Variants in DTD1 observed in about 807,000 individuals in gnomAD.
DTD1 encodes the protein D-tyrosyl-tRNA deacylase 1 homolog.
Under a neutral mutation model 25.6 loss-of-function variants are expected in DTD1, and 13 were observed. The ratio of observed to expected loss-of-function variants is 0.51; its 90% CI spans 0.33 to 0.81. The LOEUF is 0.81. Among genes scored for constraint, DTD1 ranks in the 30% least tolerant of loss-of-function variants. DTD1 has a pLI of 0.02. For synonymous variants in DTD1, 110 were observed against 103.6 expected (o/e 1.06, Z -0.37); for missense variants, 193 against 266.4 (o/e 0.72, Z 1.92).
chr20:18,599,387 C>T (rs983366525), intron 3 of DTD1, among the ~76,000 whole-genome samples: 3 of 151,976 alleles, frequency 2.0e-5, no homozygotes, highest in Non-Finnish European at 4.4e-5. Flanking sequence ...GTTGGCCAGG[C>T]TGGTCTCAAA....
At chr20:18,631,768 A>G (rs540134666) in intron 4 of DTD1, 528 of 985,128 alleles carry the variant, frequency 5.4e-4, no homozygotes, top group Non-Finnish European at 6.1e-4. Flanking sequence ...TCATTATTCC[A>G]TAGTTTTTAG....
At chr20:18,621,085 T>C (rs529996386) in intron 3 of DTD1, among the ~76,000 whole-genome samples, 15 of 152,336 alleles carry the variant, frequency 9.8e-5, no homozygotes, top group African/African-American at 3.4e-4. Context: ...AATATCCTTT[T>C]TTCTGGTCCA....
chr20:18,711,908 C>A (rs1019255338), intron 4 of DTD1, among the ~76,000 whole-genome samples: 3 of 72,220 alleles, frequency 4.2e-5, no homozygotes, highest in African/African-American at 1.6e-4. Flanking sequence ...GCCAGGAGGC[C>A]GGGGTGGGGG....
intron 5 of DTD1, among the ~76,000 whole-genome samples, chr20:18,744,728 G>A (rs1297026113): frequency 6.6e-6 from 1 of 151,204 alleles, no homozygotes; most frequent in Admixed American, 6.6e-5. Context: ...AGAACAGTAT[G>A]GGGGAAACTG....
intron 4 of DTD1, among the ~76,000 whole-genome samples, chr20:18,663,813 C>A (rs1024064993): frequency 1.3e-5 from 2 of 152,150 alleles, no homozygotes; most frequent in African/African-American, 4.8e-5. Flanking sequence ...GAATGAGTGC[C>A]AGCGGGGGAA....
At chr20:18,617,917 T>C (rs1178590040) in intron 3 of DTD1, among the ~76,000 whole-genome samples, 1 of 152,224 alleles carries the variant, frequency 6.6e-6, no homozygotes, top group Non-Finnish European at 1.5e-5. Flanking sequence ...ATTAAATCTC[T>C]CTTTTTAAAC....
At chr20:18,639,135 C>G (rs974076701) in intron 4 of DTD1, among the ~76,000 whole-genome samples, 1 of 140,176 alleles carries the variant, frequency 7.1e-6, no homozygotes, top group Non-Finnish European at 1.5e-5. Flanking sequence ...TCCTTGGGCA[C>G]AGTCTGGACA....
intron 5 of DTD1, among the ~76,000 whole-genome samples, chr20:18,745,865 C>T (rs1030864015): frequency 6.6e-6 from 1 of 152,110 alleles, no homozygotes; most frequent in African/African-American, 2.4e-5. Context: ...GTGACATCAT[C>T]AGATACAAAG....
At chr20:18,654,339 T>G (rs1018380510) in intron 4 of DTD1, among the ~76,000 whole-genome samples, 2 of 152,220 alleles carry the variant, frequency 1.3e-5, no homozygotes, top group Admixed American at 1.3e-4. Flanking sequence ...TTCCTTCCAC[T>G]TCTGCCATGA....
chr20:18,689,702 A>G (rs2061034256), intron 4 of DTD1, among the ~76,000 whole-genome samples: 1 of 152,186 alleles, frequency 6.6e-6, no homozygotes, highest in African/African-American at 2.4e-5. Flanking sequence ...AGCACTGTCC[A>G]ATAGAATTTT....
At chr20:18,694,922 A>G (rs1374284515) in intron 4 of DTD1, among the ~76,000 whole-genome samples, 2 of 152,202 alleles carry the variant, frequency 1.3e-5, no homozygotes, top group African/African-American at 4.8e-5. Context: ...AGGTATGTAC[A>G]GTATGTGAAG....
At chr20:18,631,726 T>C (rs973708230) in intron 4 of DTD1, 1 of 985,486 alleles carries the variant, frequency 1.0e-6, no homozygotes, top group African/African-American at 1.7e-5. Flanking sequence ...GTTTTTGTCT[T>C]GCCTCTGGCT....
At chr20:18,664,327 T>C (rs1184634672) in intron 4 of DTD1, among the ~76,000 whole-genome samples, 2 of 152,238 alleles carry the variant, frequency 1.3e-5, no homozygotes. Flanking sequence ...ATACAATGAA[T>C]GCCTGGTGTA....
At chr20:18,751,172 C>G (rs2061320271) in intron 5 of DTD1, among the ~76,000 whole-genome samples, 1 of 152,108 alleles carries the variant, frequency 6.6e-6, no homozygotes, top group Non-Finnish European at 1.5e-5. Context: ...ATTCTCTGAG[C>G]TTCACTTTGC....
rs753820181 is a variant in DTD1, at chr20:18,593,701, GTTC to G, written c.44-25_44-23del. 37 of 1,576,152 alleles carry G rather than the reference GTTC, an allele frequency of 2.3e-5. No homozygotes were observed. The African/African-American group carries it at 4.3e-4, about 18-fold the overall frequency. On this transcript the variant is annotated intron_variant, in intron 1 of 5. Coordinates refer to ENST00000377452, the MANE Select transcript of DTD1 (RefSeq NM_080820.6). ...GCTTTATGACCTTGTTTGGTTCTGA[GTTC>G]TTCTCTCCCTTTTGGTTCCTTTCTA...
At chr20:18,598,355 G>A (rs1326339273) in intron 3 of DTD1, among the ~76,000 whole-genome samples, 7 of 152,024 alleles carry the variant, frequency 4.6e-5, no homozygotes, top group Non-Finnish European at 8.8e-5. Flanking sequence ...TAGGTGCCAC[G>A]TTTTCTTTAT....
chr20:18,681,766 A>G (rs1300443795), intron 4 of DTD1, among the ~76,000 whole-genome samples: 4 of 152,236 alleles, frequency 2.6e-5, no homozygotes, highest in Non-Finnish European at 5.9e-5. Context: ...AAGAAATGTT[A>G]AAAGAAGTTC....
intron 3 of DTD1, among the ~76,000 whole-genome samples, chr20:18,598,698 A>T (rs1303416741): frequency 6.8e-6 from 1 of 146,356 alleles, no homozygotes; most frequent in African/African-American, 2.5e-5. Context: ...TTTAGTAGAG[A>T]TGGGGTTTTA....
At chr20:18,732,291 A>C (rs1049896614) in intron 4 of DTD1, among the ~76,000 whole-genome samples, 1 of 152,242 alleles carries the variant, frequency 6.6e-6, no homozygotes, top group Non-Finnish European at 1.5e-5. Flanking sequence ...CCAATTATGC[A>C]TTGGAATACC....
Sources: allele counts gnomAD v4.1 joint callset (sites outside exome capture counted in the v4.1 genomes callset), GRCh38; gene constraint gnomAD v4.1.1; transcripts MANE v1.5; gene names NCBI Gene and HGNC (gene_info 2026-07-23, HGNC 2026-07-21).